The following KIF15 variants were observed in gnomAD, a reference collection of about 807,000 sequenced individuals.
KIF15 encodes kinesin-like protein KIF15.
KIF15 carries 140 observed loss-of-function variants against 190.6 expected under a neutral mutation model. The ratio of observed to expected loss-of-function variants is 0.73; its 90% CI spans 0.64 to 0.84. The LOEUF (loss-of-function observed/expected upper bound fraction) is 0.84. Ranked by LOEUF, KIF15 falls within the 40% of genes least tolerant of loss-of-function variation. The probability of loss-of-function intolerance (pLI) is 0.00; values close to 1 mark genes in which losing one functional copy is unlikely to be tolerated. For synonymous variants in KIF15, 528 were observed against 551.3 expected (o/e 0.96, Z 0.59); for missense variants, 1,372 against 1,584.4 (o/e 0.87, Z 2.28).
intron 5 of KIF15, among the ~76,000 whole-genome samples, chr3:44,783,372 G>A (rs987899302): frequency 5.9e-5 from 9 of 151,916 alleles, no homozygotes; most frequent in African/African-American, 2.2e-4. Context: ...GAGAGAGAGA[G>A]ACAAAGAGAG....
chr3:44,815,216 C>G (rs1707975195), intron 20 of KIF15, 140 bp downstream of exon 20: 1 of 705,590 alleles, frequency 1.4e-6, no homozygotes, highest in East Asian at 3.1e-5. Flanking sequence ...ATTGGAAGCC[C>G]CAGAGGTGAT....
At chr3:44,829,374 ATGTG>A (rs547572565) in intron 24 of KIF15, among the ~76,000 whole-genome samples, 18 of 136,822 alleles carry the variant, frequency 1.3e-4, no homozygotes, top group African/African-American at 2.5e-4. Context: ...ATATATATAT[ATGTG>A]TGTGTGTGTG....
chr3:44,829,775 G>GTA (rs574696467), intron 24 of KIF15, among the ~76,000 whole-genome samples, 196 bp from the exon 25 acceptor site: 1 of 138,896 alleles, frequency 7.2e-6, no homozygotes, highest in African/African-American at 2.7e-5. Context: ...TATTATAGAT[G>GTA]TATATATATA....
intron 1 of KIF15, among the ~76,000 whole-genome samples, chr3:44,766,807 C>CTTT (rs766382105): frequency 1.5e-3 from 174 of 118,514 alleles, no homozygotes; most frequent in Non-Finnish European, 1.9e-3. Flanking sequence ...TTCTTTCTTT[C>CTTT]TTTTTTTTTT....
At chr3:44,814,270 G>A (rs535976569) in intron 19 of KIF15, among the ~76,000 whole-genome samples, 4 of 152,088 alleles carry the variant, frequency 2.6e-5, no homozygotes, top group African/African-American at 9.7e-5. Flanking sequence ...CTCAAAATAT[G>A]TTACATCTTT....
chr3:44,864,411 C>A (rs1699298543), intron 6 of KIF15: 2 of 1,591,248 alleles, frequency 1.3e-6, no homozygotes, highest in Admixed American at 1.7e-5. Context: ...CTTTGGATAA[C>A]CCCTCCTTTC....
chr3:44,827,219 A>G, intron 22 of KIF15: 1 of 450,770 alleles, frequency 2.2e-6, no homozygotes, highest in South Asian at 2.4e-5. Flanking sequence ...TATATGATAT[A>G]TGTTATATTT....
At chr3:44,866,048 T>TTTTTTTG in intron 6 of KIF15, among the ~76,000 whole-genome samples, 1 of 150,874 alleles carries the variant, frequency 6.6e-6, no homozygotes, top group East Asian at 2.0e-4. Context: ...CCCTTTGGTT[T>TTTTTTTG]TTTTTTGTTT....
intron 26 of KIF15, among the ~76,000 whole-genome samples, chr3:44,834,977 ATAT>A (rs1456590099): frequency 6.7e-6 from 1 of 148,580 alleles, no homozygotes; most frequent in African/African-American, 2.5e-5. Context: ...TTATTATATA[ATAT>A]TATGTTATAA....
chr3:44,807,632 A>C (rs1019410975), intron 16 of KIF15, among the ~76,000 whole-genome samples: 19 of 152,066 alleles, frequency 1.2e-4, no homozygotes, highest in African/African-American at 4.6e-4. Flanking sequence ...AATCAATGTC[A>C]CCAAGTATTT....
intron 14 of KIF15, 83 bp downstream of exon 14, chr3:44,803,074 T>A: frequency 1.6e-6 from 2 of 1,247,254 alleles, no homozygotes; most frequent in Non-Finnish European, 1.1e-6. Flanking sequence ...GACTAGGGTC[T>A]TCATTTTAGC....
rs1360359484 is a variant in KIF15 at position 44,829,604 on chromosome 3, A to G, written c.2944-367A>G. Among the ~76,000 whole-genome samples, 285 of 32,204 alleles carry G rather than the reference A, an allele frequency of 8.8e-3. 9 individuals are homozygous for G. Among genetic ancestry groups the G allele is most frequent in the African/African-American group, 0.032 (257 of 8,054 alleles). 21.1% of individuals were successfully genotyped at this position (32,204 alleles called of 152,430 possible). On this transcript the variant is annotated intron_variant, in intron 24 of 34. Coordinates refer to ENST00000326047, the MANE Select transcript of KIF15 (RefSeq NM_020242.3). Reference sequence around the variant, plus strand: ...TGTATATATTATATATTATATATGCATATATATTATATATGTATATACATT... The same window carrying G: ...TGTATATATTATATATTATATATGCGTATATATTATATATGTATATACATT...
Position 44,826,361 on chromosome 3 carries a change from A to G in KIF15, c.2701-14A>G, listed in dbSNP as rs1217146769. ...GCTAGTAACAGTTACTTAAAATCTAATGTTGTCTTTTAGAATTTGATGGAG... is the reference window on the plus strand; with the variant it reads ...GCTAGTAACAGTTACTTAAAATCTAGTGTTGTCTTTTAGAATTTGATGGAG... On this transcript the variant is annotated splice_polypyrimidine_tract_variant and intron_variant, in intron 21 of 34. Transcript: ENST00000326047. 6.2e-7 allele frequency: 1 copy of G among 1,607,564 alleles called. No individual in the cohort carries two copies.
chr3:44,786,513 A>G lies in KIF15; in HGVS notation c.578A>G (p.Lys193Arg). The change falls in exon 7 of 35, where the codon AAG (lysine) becomes AGG (arginine). Residue 193 changes from lysine to arginine, a missense_variant. Physicochemically the swap from Lys to Arg is conservative, Grantham distance 26. Transcript: ENST00000326047. ...CTGTACTTAAGGGAGCATATCAAGA[A>G]GGGAGTCTTTGTTGTTGGTGCGGTG... ...AGLYLREHIK[K>R]GVFVVGAVEQ... 2 of 1,613,478 alleles carry G rather than the reference A, an allele frequency of 1.2e-6. No homozygotes were observed. Among genetic ancestry groups the G allele is most frequent in the Non-Finnish European group, 1.7e-6 (2 of 1,179,584 alleles).
chr3:44,803,414 G>C (rs923860272), intron 14 of KIF15, among the ~76,000 whole-genome samples: 1 of 152,216 alleles, frequency 6.6e-6, no homozygotes, highest in Non-Finnish European at 1.5e-5. Flanking sequence ...TCATAGCACA[G>C]TGTTTGGGTC....
intron 6 of KIF15, among the ~76,000 whole-genome samples, chr3:44,866,018 T>G (rs1699318192): frequency 6.6e-6 from 1 of 152,142 alleles, no homozygotes; most frequent in Non-Finnish European, 1.5e-5. Flanking sequence ...TTCTGTCATT[T>G]GCTTTTCTTT....
chr3:44,843,078 G>A (rs1014552918), intron 29 of KIF15, 47 bp from the exon 30 acceptor site: 2 of 1,430,038 alleles, frequency 1.4e-6, no homozygotes, highest in Non-Finnish European at 1.9e-6. Flanking sequence ...GCTAAATGAA[G>A]CCTACTGTAA....
chr3:44,797,706 C>T (rs1707056428), intron 9 of KIF15, 30 bp downstream of exon 9: 4 of 1,610,794 alleles, frequency 2.5e-6, no homozygotes, highest in Non-Finnish European at 3.4e-6. Flanking sequence ...TCCTGGGCTC[C>T]TTTTGGTTAT....
intron 29 of KIF15, among the ~76,000 whole-genome samples, chr3:44,841,700 T>C (rs142227363): frequency 6.6e-6 from 1 of 152,204 alleles, no homozygotes; most frequent in East Asian, 1.9e-4. Flanking sequence ...GCCTGGCCAA[T>C]TTAATTTTTT....
Sources: gnomAD v4.1 joint callset for allele counts (sites outside exome capture counted in the v4.1 genomes callset) on GRCh38, gnomAD v4.1.1 for gene constraint, MANE v1.5 for transcripts, NCBI Gene and HGNC (gene_info 2026-07-23, HGNC 2026-07-21) for gene names.